Variants in DMXL1 observed in about 807,000 individuals in gnomAD.
The protein encoded by DMXL1 is Dmx like 1, also known as dmX-like protein 1.
DMXL1 carries 99 observed loss-of-function variants against 319.2 expected under a neutral mutation model. The observed-to-expected ratio is 0.31, with a 90% confidence interval of 0.26 to 0.37. The LOEUF (loss-of-function observed/expected upper bound fraction) is 0.37. Ranked by LOEUF, DMXL1 falls within the 10% of genes least tolerant of loss-of-function variation. The pLI is 1.00. For missense variants in DMXL1, 3,745 were observed against 3,595.6 expected (o/e 1.04, Z -1.06); for synonymous variants, 1,385 against 1,235.2 (o/e 1.12, Z -2.54).
chr5:119,122,339 G>C (rs1762329802), intron 9 of DMXL1, among the ~76,000 whole-genome samples: 1 of 149,356 alleles, frequency 6.7e-6, no homozygotes, highest in South Asian at 2.1e-4. Context: ...CCTCCCGGAG[G>C]GGGCGGCTGG....
chr5:119,207,972 A>G (rs1782052065), intron 34 of DMXL1, among the ~76,000 whole-genome samples: 1 of 152,176 alleles, frequency 6.6e-6, no homozygotes, highest in Non-Finnish European at 1.5e-5. Context: ...TCCAATGGGA[A>G]TCCTTTGGTA....
At chr5:119,115,394 A>C (rs1760619960) in intron 6 of DMXL1, among the ~76,000 whole-genome samples, 1 of 152,226 alleles carries the variant, frequency 6.6e-6, no homozygotes, top group African/African-American at 2.4e-5. Flanking sequence ...ATTTTAAAGC[A>C]ATGTATTTCT....
intron 1 of DMXL1, among the ~76,000 whole-genome samples, chr5:119,082,505 G>T (rs1302617953): frequency 1.3e-5 from 2 of 152,012 alleles, no homozygotes; most frequent in South Asian, 2.1e-4. Context: ...GAACTCCTGG[G>T]CTCAAGCAAT....
At chr5:119,191,611 A>C (rs1336196068) in intron 29 of DMXL1, among the ~76,000 whole-genome samples, 2 of 152,178 alleles carry the variant, frequency 1.3e-5, no homozygotes, top group Non-Finnish European at 2.9e-5. Context: ...TCTTTTTGTT[A>C]AATATTTAGT....
chr5:119,236,275 T>C (rs1262043617), intron 39 of DMXL1: 2 of 152,092 alleles, frequency 1.3e-5, no homozygotes, highest in Non-Finnish European at 2.9e-5. Flanking sequence ...TCAATTTATA[T>C]TACCACATAG....
chr5:119,089,372 C>G (rs1035546824), intron 1 of DMXL1, among the ~76,000 whole-genome samples: 18 of 129,386 alleles, frequency 1.4e-4, no homozygotes, highest in Middle Eastern at 0.013. Flanking sequence ...GTGGCACGAT[C>G]TCAGCTCACT....
At chr5:119,146,690 A>G (rs1768619464) in intron 15 of DMXL1, 147 bp from the exon 16 acceptor site, 1 of 651,434 alleles carries the variant, frequency 1.5e-6, no homozygotes. Flanking sequence ...GGATTTGAAT[A>G]TATTTTATAA....
At chr5:119,202,891 A>G (rs933999902) in intron 32 of DMXL1, among the ~76,000 whole-genome samples, 1 of 139,962 alleles carries the variant, frequency 7.1e-6, no homozygotes, top group African/African-American at 2.8e-5. Context: ...ATTTTTATAT[A>G]TATATATATA....
Position 119,165,295 on chromosome 5 carries a change from A to AG in DMXL1, c.4970+15_4970+16insG. On this transcript the variant is annotated intron_variant, in intron 21 of 43. Coordinates refer to ENST00000539542, the MANE Select transcript of DMXL1 (RefSeq NM_001290321.3). ...GGATTATATAGGTAGGTAAAAAAAA[A>AG]AAAAAAAAAGGGTGCTTCAATGTGA... 1 of 1,394,680 alleles carries AG rather than the reference A, an allele frequency of 7.2e-7. No individual in the cohort carries two copies. Among genetic ancestry groups the AG allele is most frequent in the Non-Finnish European group, 9.9e-7 (1 of 1,010,284 alleles). The allele number at this position is 1,394,680 out of a possible 1,614,324, so 86.4% of individuals were successfully genotyped here.
chr5:119,152,517 T>C (rs1770038874), intron 19 of DMXL1, among the ~76,000 whole-genome samples: 1 of 152,216 alleles, frequency 6.6e-6, no homozygotes, highest in Admixed American at 6.5e-5. Flanking sequence ...ATTTCAGATA[T>C]TAGTTTAGTA....
intron 1 of DMXL1, among the ~76,000 whole-genome samples, chr5:119,096,446 G>C (rs1755991464): frequency 6.6e-6 from 1 of 152,160 alleles, no homozygotes; most frequent in Non-Finnish European, 1.5e-5. Context: ...AAAGTGCTGG[G>C]ATTACAGGCA....
chr5:119,145,692 C>T (rs1438977266), intron 15 of DMXL1, among the ~76,000 whole-genome samples: 1 of 151,452 alleles, frequency 6.6e-6, no homozygotes, highest in Non-Finnish European at 1.5e-5. Flanking sequence ...TTGCTTTTTT[C>T]GGATTCTTCA....
At chr5:119,109,287 T>A in intron 4 of DMXL1, among the ~76,000 whole-genome samples, 1 of 152,306 alleles carries the variant, frequency 6.6e-6, no homozygotes, top group African/African-American at 2.4e-5. Context: ...TCTGGAAAAA[T>A]GCACATATTG....
In DMXL1 at chr5:119,071,500, G is replaced by C; in HGVS notation, c.-70G>C. On this transcript the variant is annotated 5_prime_UTR_variant, in exon 1 of 44. Coordinates refer to ENST00000539542, the MANE Select transcript of DMXL1 (RefSeq NM_001290321.3). ...GCGGCCGCCGCCCCTGAGGGAAGGA[G>C]GGAGGGAAGCAGCCGCTGACCCGTG... 2 of 1,455,342 alleles carry C rather than the reference G, an allele frequency of 1.4e-6. No individual in the cohort carries two copies. 90.2% of individuals were successfully genotyped at this position (1,455,342 alleles called of 1,614,324 possible). A position where few individuals can be genotyped will look rare whatever the true frequency, so the allele number is the denominator to read the frequency against.
At chr5:119,167,896 A>G (rs1390750396) in intron 23 of DMXL1, 32 bp downstream of exon 23, 3 of 1,592,654 alleles carry the variant, frequency 1.9e-6, no homozygotes, top group Non-Finnish European at 2.6e-6. Flanking sequence ...TTAATGATTA[A>G]GAATATTATT....
chr5:119,153,972 G>A (rs1184080175), intron 19 of DMXL1, among the ~76,000 whole-genome samples: 1 of 152,110 alleles, frequency 6.6e-6, no homozygotes, highest in African/African-American at 2.4e-5. Flanking sequence ...AACTTTTTCT[G>A]TCATCTGTGA....
chr5:119,231,702 G>T (rs981730258), intron 38 of DMXL1, among the ~76,000 whole-genome samples: 1 of 152,308 alleles, frequency 6.6e-6, no homozygotes, highest in South Asian at 2.1e-4. Flanking sequence ...AGGCTTCACC[G>T]AGGTGGCATG....
At position 119,152,015 on chromosome 5, in the gene DMXL1, C is replaced by G. The variant is rs780539211; in HGVS notation, c.4681C>G (p.Arg1561Gly). ...TFLTTSLPAY[R>G]AQLLHQGLST... ...TCTTACAACTTCCCTTCCAGCCTAT[C>G]GAGCTCAACTCCTTCACCAAGGTGA... Residue 1561 changes from arginine (R) to glycine (G), a missense_variant, in exon 19 of 44, where the codon CGA becomes GGA. Arg to Gly is a moderately radical substitution (Grantham distance 125). Around this residue, in one of 4 missense-constraint regions of DMXL1, gnomAD observed 2,096 missense variants for 1,985.4 expected, o/e 1.06. Transcript: ENST00000539542. The G allele has an allele frequency of 2.5e-6, 4 of 1,611,352 alleles. No homozygotes were observed. Among genetic ancestry groups the G allele is most frequent in the East Asian group, 2.2e-5 (1 of 44,740 alleles).
At position 119,239,108 on chromosome 5, in the gene DMXL1, AT is replaced by A. The variant is rs767544745; in HGVS notation, c.8651+29del. 5.1e-5 allele frequency: 82 copies of A among 1,609,660 alleles called. No individual in the cohort carries two copies. The South Asian group carries it at 8.5e-4, about 17-fold the overall frequency. On this transcript the variant is annotated intron_variant, in intron 41 of 43. Transcript: ENST00000539542. ...AAGAGATGATAGCTAAAATTGAAGT[AT>A]GAGAAAGTATAGCTGAACTTTTTTT...
Sources: allele counts gnomAD v4.1 joint callset (sites outside exome capture counted in the v4.1 genomes callset), GRCh38; gene constraint gnomAD v4.1.1; regional missense constraint gnomAD v4.1.1; transcripts MANE v1.5; gene names NCBI Gene and HGNC (gene_info 2026-07-23, HGNC 2026-07-21).